Variants in SCAMP2 observed in about 807,000 individuals in gnomAD.
The protein encoded by SCAMP2 is secretory carrier membrane protein 2, also known as secretory carrier-associated membrane protein 2.
Under a neutral mutation model 44.1 loss-of-function variants are expected in SCAMP2, and 25 were observed. The observed-to-expected ratio is 0.57, with a 90% CI of 0.41 to 0.79. SCAMP2 has a LOEUF of 0.79. Ranked by LOEUF, SCAMP2 falls within the 30% of genes least tolerant of loss-of-function variation. The pLI, the probability that SCAMP2 is intolerant of heterozygous loss-of-function variation, is 0.00. For synonymous variants in SCAMP2, 156 were observed against 166.0 expected, an observed-to-expected ratio of 0.94 and a Z score of 0.46; for missense variants, 355 against 411.0, an observed-to-expected ratio of 0.86 and a Z score of 1.18.
chr15:74,871,727 G>C (rs1159281476), intron 1 of SCAMP2, among the ~76,000 whole-genome samples: 2 of 151,232 alleles, frequency 1.3e-5, no homozygotes, highest in African/African-American at 4.9e-5. Flanking sequence ...ACTCCAGCCT[G>C]GGCAACAAGA....
intron 1 of SCAMP2, among the ~76,000 whole-genome samples, chr15:74,857,106 A>C (rs1254678817): frequency 6.6e-6 from 1 of 151,964 alleles, no homozygotes; most frequent in Non-Finnish European, 1.5e-5. Context: ...TTATCTTCCC[A>C]CCTGAGCCAC....
chr15:74,866,877 A>G (rs1046003785), intron 1 of SCAMP2, among the ~76,000 whole-genome samples: 1 of 148,628 alleles, frequency 6.7e-6, no homozygotes, highest in African/African-American at 2.5e-5. Flanking sequence ...GCTCGCTGCA[A>G]CCTCCGCCTC....
At chr15:74,856,630 GT>G (rs1368917248) in intron 1 of SCAMP2, among the ~76,000 whole-genome samples, 1 of 146,680 alleles carries the variant, frequency 6.8e-6, no homozygotes, top group Non-Finnish European at 1.5e-5. Context: ...GTCTCACTCT[GT>G]TGCCCAGGCT....
chr15:74,860,204 A>T (rs970876664), intron 1 of SCAMP2, among the ~76,000 whole-genome samples: 3 of 152,152 alleles, frequency 2.0e-5, no homozygotes, highest in African/African-American at 7.2e-5. Flanking sequence ...TGAGAACAGG[A>T]GTTTCAGACC....
chr15:74,852,126 C>T lies in SCAMP2; in HGVS notation c.286G>A (p.Ala96Thr). 6.3e-7 allele frequency: 1 copy of T among 1,591,394 alleles called. No homozygotes were observed. The highest frequency in any genetic ancestry group is 8.6e-7 in the Non-Finnish European group (1 of 1,168,972). ...LRQQEELDRK[A>T]AELERKEREL... Reference sequence around the variant, plus strand: ...CGCTCCTTGCGTTCCAGCTCGGCAGCTTTCCTGTCCAGTTCTTCCTGCTGC... The same window carrying T: ...CGCTCCTTGCGTTCCAGCTCGGCAGTTTTCCTGTCCAGTTCTTCCTGCTGC... Residue 96 changes from alanine (A) to threonine (T), a missense_variant, in exon 4 of 9, where the codon GCT (alanine) becomes ACT (threonine). By Grantham distance (58) the Ala-to-Thr change is moderately conservative. Transcript: ENST00000268099.
At chr15:74,845,961 C>T (rs1325316520) in intron 7 of SCAMP2, among the ~76,000 whole-genome samples, 2 of 151,576 alleles carry the variant, frequency 1.3e-5, no homozygotes, top group African/African-American at 4.9e-5. Flanking sequence ...AGTTCAAGAC[C>T]AACCTGGGCA....
At chr15:74,867,332 G>T (rs2064550263) in intron 1 of SCAMP2, among the ~76,000 whole-genome samples, 1 of 152,186 alleles carries the variant, frequency 6.6e-6, no homozygotes, top group African/African-American at 2.4e-5. Context: ...CCATTTCTCT[G>T]AAATTAAGAT....
At chr15:74,866,043 G>GAAA (rs1316709620) in intron 1 of SCAMP2, among the ~76,000 whole-genome samples, 2 of 126,876 alleles carry the variant, frequency 1.6e-5, no homozygotes, top group African/African-American at 6.2e-5. Flanking sequence ...GAGGGGAGGG[G>GAAA]AGGAAAAGAA....
chr15:74,854,558 G>T, intron 2 of SCAMP2, 23 bp downstream of exon 2: 1 of 1,579,872 alleles, frequency 6.3e-7, no homozygotes, highest in East Asian at 2.3e-5. Flanking sequence ...CATGGGACTT[G>T]GAAAGAGGGC....
At position 74,854,102 on chromosome 15, in the gene SCAMP2, T is replaced by C. The variant is rs1368493752; in HGVS notation, c.144A>G (p.Thr48=). 3.0e-5 allele frequency: 48 copies of C among 1,614,004 alleles called. No homozygotes were observed. Among genetic ancestry groups the C allele is most frequent in the Non-Finnish European group, 3.6e-5 (43 of 1,179,934 alleles). Reference sequence around the variant, plus strand: ...ACCCAGGGAGTTGGGTGACAGGAACTGTTGTCGCTGCATTTGTCTACATGG... The same window carrying C: ...ACCCAGGGAGTTGGGTGACAGGAACCGTTGTCGCTGCATTTGTCTACATGG... ...NPFSETNAAT[T]VPVTQLPGSS... Residue 48 remains threonine, a synonymous_variant, in exon 3 of 9, where the codon ACA becomes ACG. Coordinates refer to ENST00000268099, the MANE Select transcript of SCAMP2 (RefSeq NM_005697.5).
intron 1 of SCAMP2, among the ~76,000 whole-genome samples, chr15:74,858,132 G>C (rs1181551968): frequency 6.6e-6 from 1 of 152,168 alleles, no homozygotes; most frequent in African/African-American, 2.4e-5. Flanking sequence ...GCCCTGGCAA[G>C]AAAGGGAGGG....
Position 74,854,648 on chromosome 15 carries a change from T to G in SCAMP2, c.59A>C (p.Asp20Ala). The change falls in exon 2 of 9, where the codon GAT (aspartate) becomes GCT (alanine). Residue 20 changes from aspartate (D) to alanine (A), a missense_variant and splice_region_variant. Physicochemically the swap from Asp to Ala is moderately radical, Grantham distance 126. Transcript: ENST00000268099. ...ADPVDVNPFQ[D>A]PSVTQLTNAP... ...GTTGGTCAGCTGGGTCACAGAGGGA[T>G]CCTGAGAAGGTGAAAAAAAGCCCTT... 1.2e-6 allele frequency: 2 copies of G among 1,608,110 alleles called. No homozygotes were observed. The highest frequency in any genetic ancestry group is 1.7e-6 in the Non-Finnish European group (2 of 1,177,390).
rs76333115 is a variant in SCAMP2, at chr15:74,851,955, C to G, written c.343+114G>C. 4.0e-4 allele frequency: 254 copies of G among 630,476 alleles called. 1 individual carries two copies. In the African/African-American group the frequency reaches 4.3e-3, roughly 11 times the overall value. The allele number at this position is 630,476 out of a possible 1,614,324, so 39.1% of individuals were successfully genotyped here. ...GACCAGCATCCTGTGATGAGAAGAGCCCCACAAAACTCTAAGGCAGCTCAG... is the reference window on the plus strand; with the variant it reads ...GACCAGCATCCTGTGATGAGAAGAGGCCCACAAAACTCTAAGGCAGCTCAG... On this transcript the variant is annotated intron_variant, in intron 4 of 8. Transcript: ENST00000268099.
intron 1 of SCAMP2, among the ~76,000 whole-genome samples, chr15:74,871,203 T>C (rs2064572620): frequency 1.3e-5 from 2 of 152,144 alleles, no homozygotes; most frequent in African/African-American, 2.4e-5. Flanking sequence ...CCTGTAATCA[T>C]AGCACTTTGA....
At chr15:74,872,702 C>G (rs958400139) in intron 1 of SCAMP2, among the ~76,000 whole-genome samples, 1 of 152,182 alleles carries the variant, frequency 6.6e-6, no homozygotes, top group African/African-American at 2.4e-5. Flanking sequence ...CTCTCCTGTA[C>G]TTTATACACT....
intron 1 of SCAMP2, among the ~76,000 whole-genome samples, chr15:74,863,373 T>G (rs979483106): frequency 2.0e-5 from 3 of 150,282 alleles, no homozygotes; most frequent in African/African-American, 7.4e-5. Context: ...CAGCCAGGTC[T>G]CGTCGTGGGT....
intron 1 of SCAMP2, among the ~76,000 whole-genome samples, chr15:74,871,814 G>A (rs1220709398): frequency 2.6e-5 from 4 of 151,370 alleles, no homozygotes; most frequent in Non-Finnish European, 5.9e-5. Context: ...GGAGGCTAAG[G>A]TGGGTGGATC....
At chr15:74,869,801 T>C (rs1393866804) in intron 1 of SCAMP2, among the ~76,000 whole-genome samples, 1 of 152,080 alleles carries the variant, frequency 6.6e-6, no homozygotes, top group African/African-American at 2.4e-5. Flanking sequence ...TGTTCTGGAG[T>C]GTGACTAGGT....
At chr15:74,857,511 G>A (rs1192707482) in intron 1 of SCAMP2, among the ~76,000 whole-genome samples, 1 of 152,182 alleles carries the variant, frequency 6.6e-6, no homozygotes, top group Non-Finnish European at 1.5e-5. Flanking sequence ...GTGGCTCCTC[G>A]AGTCTGAGTC....
Sources: gnomAD v4.1 joint callset for allele counts (sites outside exome capture counted in the v4.1 genomes callset) on GRCh38, gnomAD v4.1.1 for gene constraint, MANE v1.5 for transcripts, NCBI Gene and HGNC (gene_info 2026-07-23, HGNC 2026-07-21) for gene names.